CAMTA1: variants seen among roughly 807,000 people sequenced by gnomAD.
CAMTA1 encodes the protein calmodulin binding transcription activator 1.
A neutral mutation model predicts 170.9 loss-of-function variants in CAMTA1; 27 were observed. The ratio of observed to expected loss-of-function variants is 0.16; its 90% CI spans 0.12 to 0.22. The LOEUF (loss-of-function observed/expected upper bound fraction) is 0.22, where lower values mean the gene tolerates loss of function less well. Ranked by LOEUF, CAMTA1 falls within the 10% of genes least tolerant of loss-of-function variation. The pLI is 1.00. For missense variants in CAMTA1, 1,619 were observed against 2,217.2 expected (o/e 0.73, Z 5.42); for synonymous variants, 833 against 891.5 (o/e 0.93, Z 1.17).
chr1:7,542,787 C>T (rs1324160016), intron 6 of CAMTA1, among the ~76,000 whole-genome samples: 1 of 151,808 alleles, frequency 6.6e-6, no homozygotes, highest in Non-Finnish European at 1.5e-5. Flanking sequence ...GCCTTGACCC[C>T]TCAAAGTGCT....
chr1:7,601,668 C>T (rs2095444221), intron 6 of CAMTA1, among the ~76,000 whole-genome samples: 1 of 152,244 alleles, frequency 6.6e-6, no homozygotes, highest in Admixed American at 6.5e-5. Context: ...ACTGAGTGAA[C>T]GCGACTCCGT....
At chr1:7,088,889 G>C (rs574028337) in intron 3 of CAMTA1, among the ~76,000 whole-genome samples, 1 of 152,238 alleles carries the variant, frequency 6.6e-6, no homozygotes, top group Non-Finnish European at 1.5e-5. Flanking sequence ...TCCAGCCGCA[G>C]TGTGCTCTGG....
intron 3 of CAMTA1, among the ~76,000 whole-genome samples, chr1:6,962,285 T>G (rs975297715): frequency 6.6e-6 from 1 of 152,122 alleles, no homozygotes; most frequent in Admixed American, 6.5e-5. Flanking sequence ...CCAGGTCAGC[T>G]GGTCCTTGCT....
At chr1:7,160,854 A>G (rs1348905727) in intron 4 of CAMTA1, among the ~76,000 whole-genome samples, 1 of 152,024 alleles carries the variant, frequency 6.6e-6, no homozygotes, top group Non-Finnish European at 1.5e-5. Flanking sequence ...TTCTCAGTAT[A>G]TGGTACCATC....
At chr1:6,806,409 A>G (rs942540188) in intron 1 of CAMTA1, among the ~76,000 whole-genome samples, 12 of 152,240 alleles carry the variant, frequency 7.9e-5, no homozygotes, top group African/African-American at 2.9e-4. Context: ...GACAACTGAG[A>G]TATAATGGGG....
At chr1:6,978,926 C>T (rs911841843) in intron 3 of CAMTA1, among the ~76,000 whole-genome samples, 1 of 152,140 alleles carries the variant, frequency 6.6e-6, no homozygotes, top group African/African-American at 2.4e-5. Flanking sequence ...TCTGTCTCCA[C>T]ACCCGTCAGT....
At chr1:7,343,273 G>A (rs1462172063) in intron 5 of CAMTA1, among the ~76,000 whole-genome samples, 1 of 152,180 alleles carries the variant, frequency 6.6e-6, no homozygotes, top group Non-Finnish European at 1.5e-5. Context: ...CCTTTATGGT[G>A]TGAGTTTCCT....
At chr1:7,539,018 C>T (rs1434050509) in intron 6 of CAMTA1, among the ~76,000 whole-genome samples, 1 of 152,200 alleles carries the variant, frequency 6.6e-6, no homozygotes, top group Non-Finnish European at 1.5e-5. Context: ...GTTCAGAGTT[C>T]CCCTCGGAGA....
intron 1 of CAMTA1, among the ~76,000 whole-genome samples, chr1:6,786,279 T>A (rs541058417): frequency 6.6e-6 from 1 of 151,818 alleles, no homozygotes; most frequent in Admixed American, 6.5e-5. Flanking sequence ...GAAGGGGGCC[T>A]GCGCAGCATC....
chr1:7,569,456 CACT>C (rs1193572428), intron 6 of CAMTA1, among the ~76,000 whole-genome samples: 5 of 151,492 alleles, frequency 3.3e-5, no homozygotes, highest in Non-Finnish European at 5.9e-5. Context: ...TCATCACCAC[CACT>C]ATCAGTATCT....
intron 6 of CAMTA1, among the ~76,000 whole-genome samples, chr1:7,491,495 A>G (rs988887748): frequency 1.3e-5 from 2 of 152,196 alleles, no homozygotes; most frequent in African/African-American, 2.4e-5. Context: ...CGATTGTCCA[A>G]TTGCTTAAAA....
intron 3 of CAMTA1, among the ~76,000 whole-genome samples, chr1:6,955,900 C>T (rs1572015793): frequency 6.6e-6 from 1 of 152,188 alleles, no homozygotes; most frequent in East Asian, 1.9e-4. Flanking sequence ...TCTTCCTGTG[C>T]AAATCAATAA....
chr1:7,446,188 A>T (rs1250367051), intron 5 of CAMTA1, among the ~76,000 whole-genome samples: 1 of 151,966 alleles, frequency 6.6e-6, no homozygotes, highest in South Asian at 2.1e-4. Context: ...TGTGAAAAAA[A>T]AAAAAAAGCC....
At chr1:7,717,751 G>A (rs748112721) in intron 11 of CAMTA1, among the ~76,000 whole-genome samples, 2 of 151,812 alleles carry the variant, frequency 1.3e-5, no homozygotes, top group African/African-American at 4.8e-5. Flanking sequence ...AAATAAAAAC[G>A]GATATATTCT....
chr1:7,310,700 CTCTTTCTTTCTTTCTTTCTTTCTT>C (rs71571885), intron 5 of CAMTA1, among the ~76,000 whole-genome samples: 1 of 53,458 alleles, frequency 1.9e-5, no homozygotes, highest in African/African-American at 1.3e-4. Flanking sequence ...CTCTCTCTCT[CTCTTTCTTTCTTTCTTTCTTTCTT>C]TCTTTCTTTC....
At chr1:7,598,652 A>G (rs529077551) in intron 6 of CAMTA1, among the ~76,000 whole-genome samples, 1 of 152,196 alleles carries the variant, frequency 6.6e-6, no homozygotes, top group African/African-American at 2.4e-5. Context: ...ATGGTATCTC[A>G]TTGTGGTTTT....
Position 7,732,539 on chromosome 1 carries a change from G to A in CAMTA1, c.3006G>A (p.Ala1002=), listed in dbSNP as rs372726560. ...CGGGGTCCCAGCAGCACAAACAGGC[G>A]AGCGGAGGCGGCAGCAGTGGAGGCG... ...EMTGSQQHKQ[A]SGGGSSGGGS... The change falls in exon 12 of 23, where the codon GCG becomes GCA. Residue 1002 remains alanine (A), a synonymous_variant. Coordinates refer to ENST00000303635, the MANE Select transcript of CAMTA1 (RefSeq NM_015215.4). This position sits in a 1 kb window ranked among gnomAD's most constrained non-coding sequence, Gnocchi z 4.1. 7 of 1,613,492 alleles carry A rather than the reference G, an allele frequency of 4.3e-6. No individual in the cohort carries two copies. Among genetic ancestry groups the A allele is most frequent in the East Asian group, 2.2e-5 (1 of 44,882 alleles).
chr1:7,705,897 A>T (rs1220891672), intron 11 of CAMTA1, among the ~76,000 whole-genome samples: 1 of 152,184 alleles, frequency 6.6e-6, no homozygotes, highest in Non-Finnish European at 1.5e-5. Context: ...CCACGCGCAG[A>T]TGGGCCAGGA....
chr1:7,442,866 C>T (rs1034972684), intron 5 of CAMTA1, among the ~76,000 whole-genome samples: 1 of 152,246 alleles, frequency 6.6e-6, no homozygotes. Flanking sequence ...CAAGCATGGT[C>T]CCTGCCCCCA....
Sources: gnomAD v4.1 joint callset for allele counts (sites outside exome capture counted in the v4.1 genomes callset) on GRCh38, gnomAD v4.1.1 for gene constraint, Gnocchi (gnomAD v3.1) non-coding constraint, MANE v1.5 for transcripts, NCBI Gene and HGNC (gene_info 2026-07-23, HGNC 2026-07-21) for gene names.